The following APBB2 variants were observed in gnomAD, a reference collection of about 807,000 sequenced individuals.
APBB2 encodes the protein Fe65-like 1.
A neutral mutation model predicts 82.5 loss-of-function variants in APBB2; 38 were observed. That is an observed-to-expected ratio of 0.46 (90% CI 0.36 to 0.60). The LOEUF (loss-of-function observed/expected upper bound fraction) is 0.60. APBB2 is among the 20% of genes least tolerant of loss of function. APBB2 has a pLI of 0.00. For synonymous variants in APBB2, 341 were observed against 368.2 expected, an observed-to-expected ratio of 0.93 and a Z score of 0.85; for missense variants, 772 against 972.3, an observed-to-expected ratio of 0.79 and a Z score of 2.74.
rs571734640 is a variant in APBB2 at position 41,199,149 on chromosome 4, A to T, written c.-417+15256T>A. Among the ~76,000 whole-genome samples the T allele has an allele frequency of 5.3e-4, 76 of 144,036 alleles. 1 individual carries two copies. Among genetic ancestry groups the T allele is most frequent in the South Asian group, 1.7e-3 (8 of 4,744 alleles). 94.5% of individuals were successfully genotyped at this position (144,036 alleles called of 152,430 possible). The stretch of plus-strand genomic sequence containing the variant: ...ATATGAAGTATTAGGACTTCAAGTT[A>T]TATTTTTGGGGGGGACACAATTTAA... On this transcript the variant is annotated intron_variant, in intron 1 of 17. Transcript: ENST00000508593.
At chr4:40,859,536 C>CA (rs1431346300) in intron 12 of APBB2, among the ~76,000 whole-genome samples, 1 of 152,162 alleles carries the variant, frequency 6.6e-6, no homozygotes, top group Non-Finnish European at 1.5e-5. Flanking sequence ...TCCTTGCCTC[C>CA]ACTCATCTCT....
At chr4:41,039,485 A>G (rs1444005996) in intron 4 of APBB2, among the ~76,000 whole-genome samples, 1 of 152,224 alleles carries the variant, frequency 6.6e-6, no homozygotes, top group Non-Finnish European at 1.5e-5. Context: ...CATCGATCTG[A>G]CAGTTACTAT....
At chr4:41,019,052 T>G (rs1486071163) in intron 5 of APBB2, among the ~76,000 whole-genome samples, 2 of 152,192 alleles carry the variant, frequency 1.3e-5, no homozygotes, top group African/African-American at 4.8e-5. Flanking sequence ...GTCTGGTGAA[T>G]TGAGTAATTA....
At chr4:41,088,116 A>G (rs1740452213) in intron 3 of APBB2, among the ~76,000 whole-genome samples, 1 of 152,228 alleles carries the variant, frequency 6.6e-6, no homozygotes, top group Non-Finnish European at 1.5e-5. Context: ...ATGTGAAACC[A>G]TTTAATGGAT....
At chr4:40,923,448 G>A (rs751343366) in intron 10 of APBB2, among the ~76,000 whole-genome samples, 33 of 152,306 alleles carry the variant, frequency 2.2e-4, no homozygotes, top group Non-Finnish European at 3.5e-4. Context: ...CCCAGGTCTC[G>A]ACCAGCTGGC....
chr4:41,186,239 A>G (rs1772859517), intron 1 of APBB2, among the ~76,000 whole-genome samples: 1 of 152,346 alleles, frequency 6.6e-6, no homozygotes, highest in African/African-American at 2.4e-5. Flanking sequence ...CAGGAGTAGC[A>G]AGTAGTATAC....
chr4:41,195,265 G>A, intron 1 of APBB2, among the ~76,000 whole-genome samples: 1 of 152,138 alleles, frequency 6.6e-6, no homozygotes, highest in Admixed American at 6.5e-5. Context: ...ATCCATGGCT[G>A]AAATCCCCAC....
intron 1 of APBB2, among the ~76,000 whole-genome samples, chr4:41,183,770 C>A (rs1772088774): frequency 6.7e-6 from 1 of 150,088 alleles, no homozygotes; most frequent in Admixed American, 6.6e-5. Flanking sequence ...CAGTTGTCCC[C>A]AACCTTTTTG....
At chr4:41,024,960 C>T (rs563536995) in intron 5 of APBB2, among the ~76,000 whole-genome samples, 1 of 152,206 alleles carries the variant, frequency 6.6e-6, no homozygotes, top group Non-Finnish European at 1.5e-5. Context: ...TGTATCCTTG[C>T]TTTCACGCCA....
chr4:40,875,603 AT>A lies in APBB2; in HGVS notation c.1529+14760del, dbSNP rs549001923. Among the ~76,000 whole-genome samples the A allele has an allele frequency of 1.8e-4, 27 of 152,314 alleles. No individual in the cohort carries two copies. The East Asian group carries it at 4.8e-3, about 27-fold the overall frequency. ...ACAATGTTTGTGAATTCTGGCATGTATTTTACACTTTACAGCACATTTCAAT... is the reference window on the plus strand; with the variant it reads ...ACAATGTTTGTGAATTCTGGCATGTATTTACACTTTACAGCACATTTCAAT... On this transcript the variant is annotated intron_variant, in intron 12 of 17. Coordinates refer to ENST00000508593, the MANE Select transcript of APBB2 (RefSeq NM_004307.2).
intron 1 of APBB2, among the ~76,000 whole-genome samples, chr4:41,146,302 G>A (rs190169927): frequency 6.7e-6 from 1 of 148,412 alleles, no homozygotes; most frequent in African/African-American, 2.5e-5. Flanking sequence ...CTCCAGCCTG[G>A]GCAACAGAGT....
intron 10 of APBB2, among the ~76,000 whole-genome samples, chr4:40,911,303 C>G (rs1371809338): frequency 6.6e-6 from 1 of 152,222 alleles, no homozygotes; most frequent in Non-Finnish European, 1.5e-5. Context: ...GGCATCAATC[C>G]TCCGCATGTA....
At chr4:41,008,361 C>G (rs1330439805) in intron 6 of APBB2, among the ~76,000 whole-genome samples, 1 of 152,174 alleles carries the variant, frequency 6.6e-6, no homozygotes, top group Non-Finnish European at 1.5e-5. Flanking sequence ...AATGCCAAAA[C>G]CAGGCATTGA....
At chr4:41,109,711 C>G (rs967638771) in intron 2 of APBB2, among the ~76,000 whole-genome samples, 9 of 152,186 alleles carry the variant, frequency 5.9e-5, no homozygotes, top group African/African-American at 2.2e-4. Flanking sequence ...ACCTCATGAT[C>G]TGCCCGCCTC....
intron 10 of APBB2, among the ~76,000 whole-genome samples, chr4:40,907,022 G>A (rs1776948796): frequency 6.6e-6 from 1 of 152,006 alleles, no homozygotes; most frequent in South Asian, 2.1e-4. Flanking sequence ...ATATGTAGAT[G>A]GATCTAGGTA....
chr4:40,903,368 A>G (rs1775860085), intron 10 of APBB2, among the ~76,000 whole-genome samples: 1 of 152,126 alleles, frequency 6.6e-6, no homozygotes, highest in African/African-American at 2.4e-5. Context: ...TCGGGAGGCT[A>G]AGGCAGGAGA....
chr4:40,846,644 T>C (rs1416168811), intron 12 of APBB2, among the ~76,000 whole-genome samples: 1 of 152,166 alleles, frequency 6.6e-6, no homozygotes, highest in East Asian at 1.9e-4. Flanking sequence ...CCCACCTCAC[T>C]GTCCTGCCCA....
At chr4:40,908,916 T>C (rs752714798) in intron 10 of APBB2, among the ~76,000 whole-genome samples, 6 of 152,200 alleles carry the variant, frequency 3.9e-5, no homozygotes, top group Non-Finnish European at 7.3e-5. Flanking sequence ...AGGAGGCCTA[T>C]GGAGGCAAAG....
At chr4:41,130,726 C>T (rs1755726804) in intron 2 of APBB2, among the ~76,000 whole-genome samples, 1 of 152,136 alleles carries the variant, frequency 6.6e-6, no homozygotes, top group African/African-American at 2.4e-5. Flanking sequence ...GGCCAGTCTC[C>T]TCGAGTGCCT....
Sources: allele counts gnomAD v4.1 joint callset (sites outside exome capture counted in the v4.1 genomes callset), GRCh38; gene constraint gnomAD v4.1.1; transcripts MANE v1.5; gene names NCBI Gene and HGNC (gene_info 2026-07-23, HGNC 2026-07-21).